The following ZNF333 variants were observed in gnomAD, a reference collection of about 807,000 sequenced individuals.
ZNF333 encodes the protein zinc finger protein 333.
A neutral mutation model predicts 76.1 loss-of-function variants in ZNF333; 61 were observed. The ratio of observed to expected loss-of-function variants is 0.80; its 90% CI spans 0.65 to 0.99. The LOEUF (loss-of-function observed/expected upper bound fraction) is 0.99. Among genes scored for constraint, ZNF333 ranks in the 50% least tolerant of loss-of-function variants. The pLI is 0.00. For synonymous variants in ZNF333, 284 were observed against 305.0 expected (o/e 0.93, Z 0.72); for missense variants, 717 against 822.4 (o/e 0.87, Z 1.57).
At position 14,718,411 on chromosome 19, in the gene ZNF333, G is replaced by A; in HGVS notation, c.1084G>A (p.Gly362Arg). ...AATTGTGCCCGAGAAAATCCGTAGT[G>A]GGGATAAATCCTATGCATGTAACAA... is the stretch of plus-strand genomic sequence containing the variant. ...HLIVPEKIRS[G>R]DKSYACNKCE... The change falls in exon 12 of 12, where the codon GGG becomes AGG. Residue 362 changes from glycine to arginine, a missense_variant. Physicochemically the swap from Gly to Arg is moderately radical, Grantham distance 125. Coordinates refer to ENST00000292530, the MANE Select transcript of ZNF333 (RefSeq NM_032433.4). 6.2e-7 allele frequency: 1 copy of A among 1,614,146 alleles called. No individual in the cohort carries two copies. Among genetic ancestry groups the A allele is most frequent in the Non-Finnish European group, 8.5e-7 (1 of 1,180,024 alleles).
At chr19:14,702,743 C>T (rs751408470) in intron 5 of ZNF333, among the ~76,000 whole-genome samples, 8 of 152,162 alleles carry the variant, frequency 5.3e-5, no homozygotes, top group African/African-American at 7.2e-5. Context: ...AAGAGATACC[C>T]GAGTTGGGTC....
downstream of ZNF333, among the ~76,000 whole-genome samples, chr19:14,722,639 G>C (rs1156723780): frequency 6.6e-6 from 1 of 151,858 alleles, no homozygotes; most frequent in Non-Finnish European, 1.5e-5. Flanking sequence ...GATATTTTTT[G>C]TTTTCTTTAG....
intron 5 of ZNF333, among the ~76,000 whole-genome samples, chr19:14,702,058 T>A (rs1373726819): frequency 3.3e-5 from 5 of 152,184 alleles, no homozygotes; most frequent in Non-Finnish European, 7.4e-5. Context: ...TTGTGCCTTG[T>A]CACAATCATT....
intron 5 of ZNF333, 85 bp downstream of exon 5, chr19:14,699,366 G>A (rs1214453701): frequency 4.1e-6 from 5 of 1,211,318 alleles, no homozygotes; most frequent in Non-Finnish European, 6.1e-6. Flanking sequence ...CAGAGCCAGG[G>A]AGATGTTAGC....
At chr19:14,725,490 A>G (rs1298803223), downstream of ZNF333, among the ~76,000 whole-genome samples, 1 of 152,146 alleles carries the variant, frequency 6.6e-6, no homozygotes, top group African/African-American at 2.4e-5. Context: ...CCCAAGTCCC[A>G]AGTCAAAAGT....
At chr19:14,723,814 T>G (rs951367164), downstream of ZNF333, among the ~76,000 whole-genome samples, 1 of 152,212 alleles carries the variant, frequency 6.6e-6, no homozygotes, top group African/African-American at 2.4e-5. Flanking sequence ...AGTAAAGATC[T>G]AGGTTGATCA....
rs1401352475 is a variant in ZNF333, at chr19:14,695,032, T to C, written c.26T>C (p.Val9Ala). 2 of 1,614,160 alleles carry C rather than the reference T, an allele frequency of 1.2e-6. No homozygotes were observed. The highest frequency in any genetic ancestry group is 1.7e-5 in the Admixed American group (1 of 60,004). Reference sequence around the variant, plus strand: ...TAGGAATCCGTCACCTTTGAGGATGTGGCCGTGGAGTTCATCCAGGAGTGG... The same window carrying C: ...TAGGAATCCGTCACCTTTGAGGATGCGGCCGTGGAGTTCATCCAGGAGTGG... MESVTFED[V>A]AVEFIQEWAL... Residue 9 changes from valine to alanine, a missense_variant, in exon 3 of 12, where the codon GTG (valine) becomes GCG (alanine). Physicochemically the swap from Val to Ala is moderately conservative, Grantham distance 64 (BLOSUM62 0). Coordinates refer to ENST00000292530, the MANE Select transcript of ZNF333 (RefSeq NM_032433.4).
intron 6 of ZNF333, among the ~76,000 whole-genome samples, chr19:14,705,864 C>T (rs946489910): frequency 6.6e-6 from 1 of 152,144 alleles, no homozygotes; most frequent in African/African-American, 2.4e-5. Flanking sequence ...ATACCCCTAC[C>T]CTGCTTTGTG....
At chr19:14,693,409 G>T in intron 1 of ZNF333, 42 bp from the exon 2 acceptor site, 3 of 1,521,790 alleles carry the variant, frequency 2.0e-6, no homozygotes, top group African/African-American at 2.7e-5. Flanking sequence ...CTCTGCTTCC[G>T]TCCTCACCCC....
chr19:14,707,461 T>C (rs2042144589), intron 7 of ZNF333, among the ~76,000 whole-genome samples: 2 of 151,958 alleles, frequency 1.3e-5, no homozygotes, highest in South Asian at 4.1e-4. Flanking sequence ...AGAAATTAAT[T>C]CTAGAAGACA....
At chr19:14,712,723 G>C (rs1362151184) in intron 7 of ZNF333, among the ~76,000 whole-genome samples, 1 of 152,080 alleles carries the variant, frequency 6.6e-6, no homozygotes, top group East Asian at 1.9e-4. Context: ...CCTCATGGCT[G>C]TGTCACCTCT....
chr19:14,703,121 G>A (rs925619953), intron 5 of ZNF333, among the ~76,000 whole-genome samples: 52 of 150,570 alleles, frequency 3.5e-4, no homozygotes, highest in Admixed American at 2.5e-3. Context: ...GGAGAATGGC[G>A]TGAACCCCAG....
intron 2 of ZNF333, among the ~76,000 whole-genome samples, chr19:14,694,630 G>A (rs767626828): frequency 1.1e-4 from 16 of 152,172 alleles, no homozygotes; most frequent in Middle Eastern, 3.2e-3. Flanking sequence ...TTTGTAATAA[G>A]GAGTTTAGGA....
intron 11 of ZNF333, chr19:14,731,099 C>T (rs577658747): frequency 4.4e-6 from 6 of 1,369,990 alleles, no homozygotes; most frequent in Non-Finnish European, 6.0e-6. Flanking sequence ...CCCCCTCCCC[C>T]CAAGGATTGG....
intron 7 of ZNF333, among the ~76,000 whole-genome samples, chr19:14,713,872 G>A (rs986059995): frequency 1.3e-5 from 2 of 152,148 alleles, no homozygotes; most frequent in Non-Finnish European, 2.9e-5. Context: ...GAAGTGGGAG[G>A]ATCACTTGGG....
At chr19:14,705,442 T>C (rs566546260) in intron 6 of ZNF333, among the ~76,000 whole-genome samples, 2 of 152,254 alleles carry the variant, frequency 1.3e-5, no homozygotes, top group African/African-American at 4.8e-5. Flanking sequence ...TTTCTTCCTG[T>C]CCTTCCACCC....
chr19:14,715,239 CTGCATGTGTGTGTCCCTGTGAGTGTG>C, intron 7 of ZNF333, 117 bp from the exon 8 acceptor site: 2 of 649,064 alleles, frequency 3.1e-6, no homozygotes, highest in South Asian at 1.8e-5. Flanking sequence ...AGATATGTGT[CTGCATGTGTGTGTCCCTGTGAGTGTG>C]TGCATGTGTG....
At chr19:14,725,207 C>T (rs540506219), downstream of ZNF333, among the ~76,000 whole-genome samples, 6 of 152,244 alleles carry the variant, frequency 3.9e-5, no homozygotes, top group East Asian at 1.2e-3. Flanking sequence ...CTCGCATGAA[C>T]TACTAGAGTG....
At chr19:14,704,931 C>T in intron 5 of ZNF333, 123 bp from the exon 6 acceptor site, 5 of 825,768 alleles carry the variant, frequency 6.1e-6, no homozygotes, top group Non-Finnish European at 7.7e-6. Context: ...GCATGAGCCA[C>T]TGCACCCATC....
Sources: gnomAD v4.1 joint callset for allele counts (sites outside exome capture counted in the v4.1 genomes callset) on GRCh38, gnomAD v4.1.1 for gene constraint, MANE v1.5 for transcripts, NCBI Gene and HGNC (gene_info 2026-07-23, HGNC 2026-07-21) for gene names.